The following ANTXR1 variants were observed in gnomAD, a reference collection of about 807,000 sequenced individuals.
ANTXR1 encodes the protein ANTXR cell adhesion molecule 1.
Under a neutral mutation model 78.1 loss-of-function variants are expected in ANTXR1, and 19 were observed. The observed-to-expected ratio is 0.24, with a 90% CI of 0.17 to 0.36. The LOEUF (loss-of-function observed/expected upper bound fraction) is 0.36, where lower values mean the gene tolerates loss of function less well. Ranked by LOEUF, ANTXR1 falls within the 10% of genes least tolerant of loss-of-function variation. ANTXR1 has a pLI of 1.00. For synonymous variants in ANTXR1, 273 were observed against 260.5 expected, an observed-to-expected ratio of 1.05 and a Z score of -0.46; for missense variants, 518 against 718.6, an observed-to-expected ratio of 0.72 and a Z score of 3.19.
chr2:69,145,429 G>A (rs999580061), intron 12 of ANTXR1: 44 of 1,563,148 alleles, frequency 2.8e-5, no homozygotes, highest in Non-Finnish European at 3.4e-5. Flanking sequence ...AACGGGGAGA[G>A]AGGAGCCAAA....
intron 14 of ANTXR1, chr2:69,172,417 C>T (rs569303463): frequency 3.1e-5 from 50 of 1,607,344 alleles, no homozygotes; most frequent in Non-Finnish European, 4.2e-5. Flanking sequence ...CCCACAGAAA[C>T]AGATAACCTA....
intron 17 of ANTXR1, among the ~76,000 whole-genome samples, chr2:69,208,169 A>G (rs1305787987): frequency 6.6e-6 from 1 of 152,168 alleles, no homozygotes; most frequent in African/African-American, 2.4e-5. Flanking sequence ...TTCAACTTGG[A>G]GGTGGGGTTT....
At chr2:69,170,144 A>G in intron 13 of ANTXR1, 104 bp from the exon 14 acceptor site, 1 of 1,289,802 alleles carries the variant, frequency 7.8e-7, no homozygotes, top group Non-Finnish European at 1.1e-6. Flanking sequence ...GGCCATTGCC[A>G]TGGTAATTAT....
At chr2:69,236,852 C>T (rs529445464) in intron 17 of ANTXR1, among the ~76,000 whole-genome samples, 2 of 152,180 alleles carry the variant, frequency 1.3e-5, no homozygotes, top group Admixed American at 6.5e-5. Flanking sequence ...TACTTTAAAA[C>T]TTTCATACAG....
chr2:69,030,351 G>A (rs1195454836), intron 1 of ANTXR1, among the ~76,000 whole-genome samples: 1 of 152,150 alleles, frequency 6.6e-6, no homozygotes, highest in Non-Finnish European at 1.5e-5. Context: ...TTCACTTTAT[G>A]AAGCTAGCAT....
intron 8 of ANTXR1, among the ~76,000 whole-genome samples, chr2:69,078,437 G>T (rs1363889494): frequency 6.6e-6 from 1 of 152,164 alleles, no homozygotes; most frequent in Non-Finnish European, 1.5e-5. Context: ...TGATCCAGGG[G>T]TTACCGGCCA....
At chr2:69,236,775 G>A (rs529624861) in intron 17 of ANTXR1, among the ~76,000 whole-genome samples, 3 of 152,274 alleles carry the variant, frequency 2.0e-5, no homozygotes, top group South Asian at 4.1e-4. Flanking sequence ...ACTGCATTTG[G>A]TGCTTCCATG....
intron 14 of ANTXR1, among the ~76,000 whole-genome samples, chr2:69,170,601 T>A (rs1198128094): frequency 6.6e-6 from 1 of 152,216 alleles, no homozygotes; most frequent in African/African-American, 2.4e-5. Flanking sequence ...AGATACTGAC[T>A]TTTCCTCTCA....
At chr2:69,151,186 C>CTTTTTTTTTT (rs59147668) in intron 12 of ANTXR1, among the ~76,000 whole-genome samples, 18 of 82,556 alleles carry the variant, frequency 2.2e-4, no homozygotes, top group East Asian at 7.6e-4. Context: ...TGATTATTTT[C>CTTTTTTTTTT]TTTTTTTTTT....
In ANTXR1 at chr2:69,245,783, G is replaced by T; in HGVS notation, c.*298G>T. On this transcript the variant is annotated 3_prime_UTR_variant, in exon 18 of 18. Coordinates refer to ENST00000303714, the MANE Select transcript of ANTXR1 (RefSeq NM_032208.3). The stretch of plus-strand genomic sequence containing the variant: ...TGCTCTCAACAGGATTATGTCTCAT[G>T]GAGACCAGTAAGAAAATCATTTATC... The T allele has an allele frequency of 2.9e-6, 1 of 339,136 alleles. No individual in the cohort carries two copies. The highest frequency in any genetic ancestry group is 5.4e-6 in the Non-Finnish European group (1 of 186,468). 21.0% of individuals were successfully genotyped at this position (339,136 alleles called of 1,614,324 possible).
intron 4 of ANTXR1, 55 bp downstream of exon 4, chr2:69,070,783 C>T: frequency 6.7e-7 from 1 of 1,495,512 alleles, no homozygotes; most frequent in East Asian, 2.3e-5. Context: ...GAAATATCAA[C>T]ATGGGGTGAC....
chr2:69,135,032 TA>T, intron 12 of ANTXR1: 1 of 423,176 alleles, frequency 2.4e-6, no homozygotes, highest in Non-Finnish European at 4.8e-6. Flanking sequence ...TTAGAGACGG[TA>T]AAAGACCACA....
At chr2:69,189,825 G>A (rs1313065521) in intron 16 of ANTXR1, among the ~76,000 whole-genome samples, 1 of 152,214 alleles carries the variant, frequency 6.6e-6, no homozygotes. Flanking sequence ...TGCAAAAGGA[G>A]GAGCAGGTTT....
intron 10 of ANTXR1, among the ~76,000 whole-genome samples, chr2:69,111,889 T>C (rs1671994846): frequency 6.6e-6 from 1 of 152,144 alleles, no homozygotes; most frequent in Non-Finnish European, 1.5e-5. Context: ...AAGGAGATCA[T>C]TAAAGTGCAG....
intron 10 of ANTXR1, among the ~76,000 whole-genome samples, chr2:69,116,137 T>C (rs934799638): frequency 6.6e-6 from 1 of 152,222 alleles, no homozygotes; most frequent in African/African-American, 2.4e-5. Context: ...ATCAAAAGCT[T>C]GTTATCTCAC....
intron 17 of ANTXR1, among the ~76,000 whole-genome samples, chr2:69,202,722 T>C (rs1445676289): frequency 6.6e-6 from 1 of 152,176 alleles, no homozygotes; most frequent in African/African-American, 2.4e-5. Context: ...ATGGGCTCTG[T>C]TCTCCCTGTG....
intron 4 of ANTXR1, among the ~76,000 whole-genome samples, 186 bp downstream of exon 4, chr2:69,070,914 C>T (rs749402957): frequency 2.6e-5 from 4 of 152,172 alleles, no homozygotes; most frequent in Non-Finnish European, 5.9e-5. Flanking sequence ...GAAATGGATT[C>T]CCTTCCTTCT....
intron 16 of ANTXR1, chr2:69,182,898 A>G (rs1674313671): frequency 1.8e-6 from 1 of 563,490 alleles, no homozygotes; most frequent in Non-Finnish European, 3.1e-6. Flanking sequence ...TGCAGCACAT[A>G]TAGTAAAACT....
chr2:69,108,571 T>C (rs771873081), intron 10 of ANTXR1, among the ~76,000 whole-genome samples: 1 of 152,168 alleles, frequency 6.6e-6, no homozygotes, highest in Non-Finnish European at 1.5e-5. Flanking sequence ...CACCCAGGTA[T>C]TAAGCCTAGT....
Sources: allele counts gnomAD v4.1 joint callset (sites outside exome capture counted in the v4.1 genomes callset), GRCh38; gene constraint gnomAD v4.1.1; transcripts MANE v1.5; gene names NCBI Gene and HGNC (gene_info 2026-07-23, HGNC 2026-07-21).